The following APP variants were observed in gnomAD, a reference collection of about 807,000 sequenced individuals.
APP encodes the protein amyloid beta precursor protein.
Under a neutral mutation model 101.4 loss-of-function variants are expected in APP, and 31 were observed. The observed-to-expected ratio is 0.31, with a 90% CI of 0.23 to 0.41. APP has a LOEUF of 0.41. Ranked by LOEUF, APP falls within the 10% of genes least tolerant of loss-of-function variation. The pLI is 1.00. For synonymous variants in APP, 366 were observed against 364.4 expected (o/e 1.00, Z -0.05); for missense variants, 839 against 1,003.7 (o/e 0.84, Z 2.22).
intron 13 of APP, among the ~76,000 whole-genome samples, chr21:25,953,405 G>C (rs200431766): frequency 0.026 from 2 of 78 alleles, no homozygotes; most frequent in Non-Finnish European, 0.067. Flanking sequence ...GGCATAAAAT[G>C]GGAAAAAGTG....
chr21:26,118,067 C>CT (rs1406776399), intron 1 of APP, among the ~76,000 whole-genome samples: 2 of 152,052 alleles, frequency 1.3e-5, no homozygotes, highest in South Asian at 2.1e-4. Context: ...TAATACCAAG[C>CT]TTTTTTACTA....
At chr21:25,969,546 G>A (rs2041930717) in intron 11 of APP, among the ~76,000 whole-genome samples, 1 of 151,778 alleles carries the variant, frequency 6.6e-6, no homozygotes, top group Non-Finnish European at 1.5e-5. Flanking sequence ...TATTACAAAG[G>A]AAAGATTTAA....
At chr21:26,155,925 A>T (rs1007988814) in intron 1 of APP, among the ~76,000 whole-genome samples, 7 of 147,494 alleles carry the variant, frequency 4.7e-5, no homozygotes, top group Non-Finnish European at 8.9e-5. Flanking sequence ...TGAACCCAGG[A>T]GGGAGGCAGA....
chr21:26,088,404 A>T (rs1294890430), intron 3 of APP, among the ~76,000 whole-genome samples: 1 of 152,214 alleles, frequency 6.6e-6, no homozygotes, highest in Non-Finnish European at 1.5e-5. Context: ...TACCAGGAGC[A>T]ATAATGCCCA....
At chr21:25,984,432 A>G (rs2042561685) in intron 8 of APP, among the ~76,000 whole-genome samples, 1 of 152,190 alleles carries the variant, frequency 6.6e-6, no homozygotes. Context: ...AAAGGCCGAA[A>G]GTATCAAAAA....
intron 8 of APP, among the ~76,000 whole-genome samples, chr21:25,988,218 AAAG>A (rs1419443465): frequency 1.3e-5 from 2 of 152,188 alleles, no homozygotes; most frequent in Non-Finnish European, 2.9e-5. Context: ...GGCCAGAGCT[AAAG>A]AAGCAAGAGA....
intron 13 of APP, among the ~76,000 whole-genome samples, chr21:25,945,023 G>C (rs1228874145): frequency 6.6e-6 from 1 of 152,190 alleles, no homozygotes; most frequent in Non-Finnish European, 1.5e-5. Context: ...GGCAGACTTT[G>C]GCGTGGGAGA....
At chr21:25,981,721 T>TG (rs1483922709) in intron 9 of APP, among the ~76,000 whole-genome samples, 1 of 151,324 alleles carries the variant, frequency 6.6e-6, no homozygotes. Context: ...GTTTTTTTTT[T>TG]TTTTTTTTTT....
intron 3 of APP, among the ~76,000 whole-genome samples, chr21:26,086,571 A>AC (rs1343468053): frequency 6.6e-6 from 1 of 151,564 alleles, no homozygotes; most frequent in Admixed American, 6.6e-5. Context: ...GTAAAAAAAA[A>AC]AAACTCTTGT....
At chr21:25,965,688 G>A (rs1004217688) in intron 11 of APP, among the ~76,000 whole-genome samples, 1 of 152,158 alleles carries the variant, frequency 6.6e-6, no homozygotes, top group Non-Finnish European at 1.5e-5. Context: ...TTGTGTTTGC[G>A]TGTGTATGCG....
chr21:25,928,374 A>C (rs952448730), intron 13 of APP, among the ~76,000 whole-genome samples: 1 of 99,734 alleles, frequency 1.0e-5, no homozygotes, highest in Non-Finnish European at 2.1e-5. Context: ...AACAAACAAA[A>C]AAACCAAGTT....
chr21:26,036,456 C>T (rs916070380), intron 5 of APP, among the ~76,000 whole-genome samples: 6 of 152,128 alleles, frequency 3.9e-5, no homozygotes, highest in African/African-American at 1.4e-4. Flanking sequence ...AAGTCCCATC[C>T]TATAAATGTC....
intron 11 of APP, among the ~76,000 whole-genome samples, chr21:25,960,902 C>A (rs1253137828): frequency 1.3e-5 from 2 of 152,152 alleles, no homozygotes; most frequent in Non-Finnish European, 2.9e-5. Context: ...GAAATGAAAA[C>A]AAAATCAGAT....
Position 26,053,287 on chromosome 21 carries a change from C to T in APP, c.417G>A (p.Glu139=), listed in dbSNP as rs779803206. The T allele has an allele frequency of 7.4e-6, 12 of 1,613,880 alleles. No homozygotes were observed. In the Admixed American group the frequency reaches 2.0e-4, roughly 27 times the overall value. ...GATGAGTTTCGCAAACATCCATCCT[C>T]TCCTGGTGTAAGAATTTGCACTTGT... ...VPDKCKFLHQ[E]RMDVCETHLH... is the part of the protein sequence containing the mutation. Residue 139 remains glutamate (E), a synonymous_variant, in exon 4 of 18, where the codon GAG becomes GAA. Coordinates refer to ENST00000346798, the MANE Select transcript of APP (RefSeq NM_000484.4).
chr21:26,142,735 C>T (rs2063074424), intron 1 of APP, among the ~76,000 whole-genome samples: 1 of 151,916 alleles, frequency 6.6e-6, no homozygotes, highest in Non-Finnish European at 1.5e-5. Flanking sequence ...CACCACTGCA[C>T]TCTAGCCTTG....
chr21:26,119,556 C>T (rs760169293), intron 1 of APP, among the ~76,000 whole-genome samples: 2 of 152,076 alleles, frequency 1.3e-5, no homozygotes, highest in Admixed American at 1.3e-4. Flanking sequence ...GTTTATCAAC[C>T]CTTACTTTAT....
intron 11 of APP, among the ~76,000 whole-genome samples, chr21:25,974,151 C>T (rs562704265): frequency 2.2e-4 from 34 of 152,134 alleles, no homozygotes; most frequent in African/African-American, 7.9e-4. Flanking sequence ...AAATGCTTCC[C>T]CACAGAGAAT....
chr21:25,945,313 T>C (rs1390308104), intron 13 of APP, among the ~76,000 whole-genome samples: 2 of 150,296 alleles, frequency 1.3e-5, no homozygotes, highest in East Asian at 3.9e-4. Flanking sequence ...AAAGTGTTGT[T>C]TAAAACCTCA....
intron 7 of APP, 21 bp from the exon 8 acceptor site, chr21:25,997,437 C>G: frequency 6.2e-7 from 1 of 1,600,760 alleles, no homozygotes; most frequent in Non-Finnish European, 8.6e-7. Flanking sequence ...AATAAGAGAA[C>G]ATAACTAAAA....
Sources: gnomAD v4.1 joint callset for allele counts (sites outside exome capture counted in the v4.1 genomes callset) on GRCh38, gnomAD v4.1.1 for gene constraint, MANE v1.5 for transcripts, NCBI Gene and HGNC (gene_info 2026-07-23, HGNC 2026-07-21) for gene names.